The following PPFIBP1 variants were observed in gnomAD, a reference collection of about 807,000 sequenced individuals.
PPFIBP1 encodes PPFIB scaffold protein 1, also known as liprin-beta-1.
PPFIBP1 carries 112 observed loss-of-function variants against 137.8 expected under a neutral mutation model. The ratio of observed to expected loss-of-function variants is 0.81; its 90% confidence interval spans 0.70 to 0.95. PPFIBP1 has a LOEUF of 0.95. Among genes scored for constraint, PPFIBP1 ranks in the 40% least tolerant of loss-of-function variants. The pLI is 0.00. For missense variants in PPFIBP1, 1,083 were observed against 1,196.6 expected (o/e 0.91, Z 1.40); for synonymous variants, 378 against 417.3 (o/e 0.91, Z 1.15).
At chr12:27,642,762 G>T (rs1325157809) in intron 4 of PPFIBP1, among the ~76,000 whole-genome samples, 1 of 152,010 alleles carries the variant, frequency 6.6e-6, no homozygotes, top group Non-Finnish European at 1.5e-5. Context: ...AAAGGAAAAT[G>T]GAAGAAAGCT....
chr12:27,600,613 C>G lies in PPFIBP1; in HGVS notation c.-36+22374C>G, dbSNP rs1329456684. ...CCCCCTTTTATTTCTTTCCTGAACACCTTCTTTCCCTGCTTCCCTCCTGAG... is the reference window on the plus strand; with the variant it reads ...CCCCCTTTTATTTCTTTCCTGAACAGCTTCTTTCCCTGCTTCCCTCCTGAG... On this transcript the variant is annotated intron_variant, in intron 2 of 29. Transcript: ENST00000228425. Among the ~76,000 whole-genome samples the G allele has an allele frequency of 4.0e-5, 6 of 151,638 alleles. 1 individual carries two copies. Among genetic ancestry groups the G allele is most frequent in the South Asian group, 2.1e-4 (1 of 4,806 alleles).
chr12:27,670,794 A>ATAAT (rs57075092), intron 13 of PPFIBP1, among the ~76,000 whole-genome samples: 7 of 139,422 alleles, frequency 5.0e-5, no homozygotes, highest in Non-Finnish European at 7.7e-5. Context: ...AAAAAAAAAA[A>ATAAT]AATAATAATA....
intron 2 of PPFIBP1, chr12:27,592,846 A>C (rs184887742): frequency 3.5e-4 from 201 of 572,976 alleles, no homozygotes; most frequent in African/African-American, 3.5e-3. Flanking sequence ...TTTAGCAAAA[A>C]TAGCCCAAGT....
chr12:27,531,114 C>T (rs1306457940), intron 1 of PPFIBP1, among the ~76,000 whole-genome samples: 5 of 152,008 alleles, frequency 3.3e-5, no homozygotes, highest in East Asian at 1.9e-4. Flanking sequence ...TTATTTTGTA[C>T]GAGAAAAACA....
chr12:27,657,970 AT>A (rs1358363868), intron 9 of PPFIBP1, among the ~76,000 whole-genome samples: 1 of 151,746 alleles, frequency 6.6e-6, no homozygotes, highest in Non-Finnish European at 1.5e-5. Flanking sequence ...AAGATTTGAA[AT>A]TTTTAAATTT....
At chr12:27,689,291 A>C in intron 27 of PPFIBP1, 88 bp downstream of exon 27, 1 of 1,341,966 alleles carries the variant, frequency 7.5e-7, no homozygotes, top group Non-Finnish European at 9.9e-7. Context: ...TCTGGGGTTT[A>C]CTAAGTTTTG....
At chr12:27,663,347 G>T (rs538840242) in intron 11 of PPFIBP1, among the ~76,000 whole-genome samples, 1 of 152,218 alleles carries the variant, frequency 6.6e-6, no homozygotes, top group African/African-American at 2.4e-5. Context: ...GAGCACATGG[G>T]AAAAGCAAAG....
chr12:27,610,939 G>T (rs182590699), intron 2 of PPFIBP1, among the ~76,000 whole-genome samples: 488 of 150,700 alleles, frequency 3.2e-3, no homozygotes, highest in Non-Finnish European at 5.0e-3. Flanking sequence ...GGTGAGGTGG[G>T]GAAAATAGGA....
chr12:27,585,256 T>A (rs2051592707), intron 2 of PPFIBP1, among the ~76,000 whole-genome samples: 1 of 152,268 alleles, frequency 6.6e-6, no homozygotes, highest in Non-Finnish European at 1.5e-5. Context: ...TAAGTCACTT[T>A]GTACTATAAG....
chr12:27,678,868 A>C (rs1464087163), intron 19 of PPFIBP1, among the ~76,000 whole-genome samples: 1 of 150,458 alleles, frequency 6.6e-6, no homozygotes, highest in Non-Finnish European at 1.5e-5. Context: ...AAAAAAAAAA[A>C]AAAAAAAAAA....
chr12:27,661,833 T>G (rs1438484443), intron 11 of PPFIBP1, among the ~76,000 whole-genome samples: 2 of 152,246 alleles, frequency 1.3e-5, no homozygotes, highest in East Asian at 3.8e-4. Context: ...CGCATTCTCT[T>G]TATTTGCTCT....
In PPFIBP1 at chr12:27,674,329, T is replaced by C. The variant is rs1593296691; in HGVS notation, c.1410+108T>C. ...AACTTTCAGAACCTCTAGAACATTA[T>C]GCTAAATGAAGCCAGACACAAAGTT... is the stretch of plus-strand genomic sequence containing the variant. On this transcript the variant is annotated intron_variant, in intron 17 of 29. Coordinates refer to ENST00000228425, the MANE Select transcript of PPFIBP1 (RefSeq NM_003622.4). The C allele has an allele frequency of 4.1e-6, 3 of 723,970 alleles. No homozygotes were observed. The East Asian group carries it at 8.6e-5, about 21-fold the overall frequency. 44.8% of individuals were successfully genotyped at this position (723,970 alleles called of 1,614,324 possible).
intron 16 of PPFIBP1, 97 bp downstream of exon 16, chr12:27,673,924 T>G (rs557677047): frequency 3.7e-6 from 4 of 1,086,042 alleles, no homozygotes; most frequent in East Asian, 4.8e-5. Flanking sequence ...AAAACTCTTA[T>G]GAAGAGCTTG....
At chr12:27,586,314 C>T (rs2051744124) in intron 2 of PPFIBP1, among the ~76,000 whole-genome samples, 1 of 152,080 alleles carries the variant, frequency 6.6e-6, no homozygotes, top group Middle Eastern at 3.2e-3. Flanking sequence ...AATTATTTGC[C>T]AAGTGGTCAG....
intron 1 of PPFIBP1, among the ~76,000 whole-genome samples, chr12:27,543,157 GC>G (rs775792482): frequency 5.3e-4 from 81 of 152,184 alleles, no homozygotes; most frequent in Middle Eastern, 3.4e-3. Context: ...AATCATTTTT[GC>G]CTGAAGAATT....
chr12:27,595,659 A>G (rs1405193183), intron 2 of PPFIBP1, among the ~76,000 whole-genome samples: 1 of 152,076 alleles, frequency 6.6e-6, no homozygotes, highest in Non-Finnish European at 1.5e-5. Context: ...GTTTGAGACC[A>G]GCCTGACCAA....
intron 2 of PPFIBP1, among the ~76,000 whole-genome samples, chr12:27,597,393 A>G (rs573946485): frequency 6.6e-6 from 1 of 152,252 alleles, no homozygotes; most frequent in African/African-American, 2.4e-5. Flanking sequence ...TGACCTCGTG[A>G]TCCACCCACC....
At chr12:27,554,567 G>GA (rs964170314) in intron 1 of PPFIBP1, among the ~76,000 whole-genome samples, 2 of 151,940 alleles carry the variant, frequency 1.3e-5, no homozygotes, top group Middle Eastern at 3.2e-3. Context: ...GAATATACTT[G>GA]AAAAAAAATC....
rs1377168736 is a variant in PPFIBP1 at position 27,672,473 on chromosome 12, G to A, written c.1309G>A (p.Asp437Asn). The A allele has an allele frequency of 3.7e-6, 6 of 1,606,286 alleles. No individual in the cohort carries two copies. Among genetic ancestry groups the A allele is most frequent in the Non-Finnish European group, 5.1e-6 (6 of 1,173,508 alleles). ...TGCCACTGTTGATACCCAACTGTGT[G>A]ATAAACTTTTGTAAGTTACATTTTA... ...LGATVDTQLC[D>N]KLLTSSLQKS... The change falls in exon 15 of 30, where the codon GAT becomes AAT. Residue 437 changes from aspartate (D) to asparagine (N), a missense_variant. Transcript: ENST00000228425.
Sources: gnomAD v4.1 joint callset for allele counts (sites outside exome capture counted in the v4.1 genomes callset) on GRCh38, gnomAD v4.1.1 for gene constraint, MANE v1.5 for transcripts, NCBI Gene and HGNC (gene_info 2026-07-23, HGNC 2026-07-21) for gene names.